The following TTC7A variants were observed in gnomAD, a reference collection of about 807,000 sequenced individuals.
TTC7A encodes tetratricopeptide repeat domain 7A.
Under a neutral mutation model 103.7 loss-of-function variants are expected in TTC7A, and 110 were observed. The observed-to-expected ratio is 1.06, with a 90% CI of 0.91 to 1.24. The LOEUF (loss-of-function observed/expected upper bound fraction) is 1.24, where lower values mean the gene tolerates loss of function less well. Ranked by LOEUF, TTC7A falls within the 50% of genes most tolerant of loss-of-function variation. The pLI is 0.00. For synonymous variants in TTC7A, 521 were observed against 467.9 expected (o/e 1.11, Z -1.47); for missense variants, 1,340 against 1,116.3 (o/e 1.20, Z -2.86).
In TTC7A at chr2:47,065,667, T is replaced by C. The variant is rs543602728; in HGVS notation, c.2355+4696T>C. On this transcript the variant is annotated intron_variant, in intron 19 of 19. Transcript: ENST00000319190. ...CTCAGTTGCCTTCAGCTCAAAACAG[T>C]CCTTACGCCCAAGTGACATATTTGG... 13 of 152,300 alleles carry C rather than the reference T, an allele frequency of 8.5e-5. No homozygotes were observed. In the South Asian group the frequency reaches 1.5e-3, roughly 17 times the overall value. The allele number at this position is 152,300 out of a possible 1,614,324, so 9.4% of individuals were successfully genotyped here. A position where few individuals can be genotyped will look rare whatever the true frequency, so the allele number is the denominator to read the frequency against.
intron 3 of TTC7A, among the ~76,000 whole-genome samples, chr2:46,964,229 C>A (rs868013016): frequency 6.6e-6 from 1 of 152,188 alleles, no homozygotes; most frequent in South Asian, 2.1e-4. Context: ...GATGAATCAC[C>A]TACAGTTGAG....
At chr2:46,954,804 T>C (rs577359831) in intron 2 of TTC7A, among the ~76,000 whole-genome samples, 1 of 152,114 alleles carries the variant, frequency 6.6e-6, no homozygotes, top group Admixed American at 6.5e-5. Flanking sequence ...TTCCTGATCT[T>C]AGGTGATCTG....
At chr2:46,997,001 C>T (rs982642939) in intron 8 of TTC7A, among the ~76,000 whole-genome samples, 1 of 151,994 alleles carries the variant, frequency 6.6e-6, no homozygotes, top group African/African-American at 2.4e-5. Context: ...TTTTTTGAGA[C>T]AGAGTCTCCC....
chr2:46,970,742 C>A (rs943914268), intron 3 of TTC7A, among the ~76,000 whole-genome samples: 7 of 152,170 alleles, frequency 4.6e-5, no homozygotes, highest in South Asian at 2.1e-4. Flanking sequence ...CAGTGAGCAA[C>A]GAGGCCTGCC....
rs187480321 is a variant in TTC7A, at chr2:46,923,319, T to C, written c.82+6042T>C. ...GGTGGGGCTAAGAGTCCCAACCTTC[T>C]AATCACACCTTGGTCTTTCCAGTAA... On this transcript the variant is annotated intron_variant, in intron 2 of 20. Coordinates refer to the TTC7A transcript ENST00000409245. 1.7e-3 allele frequency among the ~76,000 whole-genome samples: 265 copies of C among 152,302 alleles called. 2 individuals carry two copies. Among genetic ancestry groups the C allele is most frequent in the African/African-American group, 6.1e-3 (252 of 41,560 alleles).
intron 2 of TTC7A, among the ~76,000 whole-genome samples, chr2:46,919,070 T>C (rs909666643): frequency 6.6e-6 from 1 of 152,224 alleles, no homozygotes; most frequent in African/African-American, 2.4e-5. Flanking sequence ...CTCAGCTGTT[T>C]TGAATTGTCT....
At chr2:47,060,357 G>C (rs1309969907) in intron 18 of TTC7A, among the ~76,000 whole-genome samples, 1 of 151,890 alleles carries the variant, frequency 6.6e-6, no homozygotes, top group African/African-American at 2.4e-5. Context: ...ACAACAGAGG[G>C]AAACTCTTTT....
intron 1 of TTC7A, among the ~76,000 whole-genome samples, chr2:46,945,997 G>C (rs1670904196): frequency 6.6e-6 from 1 of 152,206 alleles, no homozygotes; most frequent in Admixed American, 6.5e-5. Context: ...GAATGGGTGG[G>C]TTGTGGAGAG....
chr2:47,041,207 C>T (rs555214252), intron 15 of TTC7A, among the ~76,000 whole-genome samples: 148 of 152,258 alleles, frequency 9.7e-4, no homozygotes, highest in African/African-American at 3.2e-3. Context: ...AATTGGCCAG[C>T]GCTCTGCTTG....
Position 46,944,461 on chromosome 2 carries a change from A to G in TTC7A, c.184+2736A>G, listed in dbSNP as rs929946197. 4.9e-5 allele frequency among the ~76,000 whole-genome samples: 7 copies of G among 142,850 alleles called. No homozygotes were observed. In the Admixed American group the frequency reaches 5.3e-4, roughly 11 times the overall value. The allele number at this position is 142,850 out of a possible 152,430, so 93.7% of individuals were successfully genotyped here. On this transcript the variant is annotated intron_variant, in intron 1 of 19. Transcript: ENST00000319190. ...GTGGTATAATTATAGCTTACTACAC[A>G]CTCAAACTCGTGGGCTCAAGGGAAC...
intron 2 of TTC7A, among the ~76,000 whole-genome samples, chr2:46,923,017 C>T (rs1669185559): frequency 1.3e-5 from 2 of 152,210 alleles, no homozygotes; most frequent in Admixed American, 1.3e-4. Context: ...TACGAATAAA[C>T]AGCCAGATGA....
At chr2:46,952,029 T>C (rs969761991) in intron 2 of TTC7A, among the ~76,000 whole-genome samples, 5 of 152,176 alleles carry the variant, frequency 3.3e-5, no homozygotes, top group African/African-American at 4.8e-5. Flanking sequence ...GGGCTGGATC[T>C]AGACAAGGTT....
At chr2:46,940,239 C>G (rs1449672489), upstream of TTC7A, among the ~76,000 whole-genome samples, 1 of 152,130 alleles carries the variant, frequency 6.6e-6, no homozygotes, top group African/African-American at 2.4e-5. This position sits in a 1 kb window ranked among gnomAD's most constrained non-coding sequence, Gnocchi z 4.7. Context: ...CGTGGAGCAC[C>G]TTCTAACTCT....
chr2:46,922,243 A>T (rs1669142739), intron 2 of TTC7A, among the ~76,000 whole-genome samples: 1 of 152,138 alleles, frequency 6.6e-6, no homozygotes, highest in Admixed American at 6.5e-5. Context: ...TTAGGCCTAT[A>T]CCATTTCCTC....
chr2:46,940,637 G>T (rs1670249125), upstream of TTC7A, among the ~76,000 whole-genome samples: 1 of 152,250 alleles, frequency 6.6e-6, no homozygotes, highest in Non-Finnish European at 1.5e-5. This position sits in a 1 kb window ranked among gnomAD's most constrained non-coding sequence, Gnocchi z 4.7. Flanking sequence ...TTCCACAGAG[G>T]ACAGGTCAAC....
At chr2:47,039,867 G>A (rs1681544227) in intron 15 of TTC7A, among the ~76,000 whole-genome samples, 1 of 152,182 alleles carries the variant, frequency 6.6e-6, no homozygotes, top group Non-Finnish European at 1.5e-5. Context: ...TTTTCTAACG[G>A]GGAACAGAGA....
rs76556164 is a variant in TTC7A at position 47,022,413 on chromosome 2, C to A, written c.1510+434C>A. 2.1e-3 allele frequency among the ~76,000 whole-genome samples: 317 copies of A among 152,336 alleles called. 5 individuals are homozygous for A. The East Asian group carries it at 0.03, about 14-fold the overall frequency. ...CTTCTGGAGCCTTTTAAATCCCCCT[C>A]AATACGTGGCATAGGGCTGGGTACG... On this transcript the variant is annotated intron_variant, in intron 12 of 19. Coordinates refer to ENST00000319190, the MANE Select transcript of TTC7A (RefSeq NM_020458.4).
chr2:46,949,780 C>T (rs1437600978), intron 1 of TTC7A, among the ~76,000 whole-genome samples: 2 of 152,116 alleles, frequency 1.3e-5, no homozygotes, highest in African/African-American at 4.8e-5. Flanking sequence ...AATCCCAGCA[C>T]TTTGGGAGGC....
chr2:46,982,988 A>T (rs958074971), intron 5 of TTC7A, among the ~76,000 whole-genome samples: 1 of 152,138 alleles, frequency 6.6e-6, no homozygotes, highest in Non-Finnish European at 1.5e-5. Flanking sequence ...ATAAATAAAT[A>T]AAATAAAAAT....
Sources: gnomAD v4.1 joint callset for allele counts (sites outside exome capture counted in the v4.1 genomes callset) on GRCh38, gnomAD v4.1.1 for gene constraint, Gnocchi (gnomAD v3.1) non-coding constraint, MANE v1.5 for transcripts, NCBI Gene and HGNC (gene_info 2026-07-23, HGNC 2026-07-21) for gene names.